Variants in NMNAT2 observed in about 807,000 individuals in gnomAD.
NMNAT2 encodes the protein nicotinamide nucleotide adenylyltransferase 2, also known as nicotinamide/nicotinic acid mononucleotide adenylyltransferase 2.
In NMNAT2, 11 loss-of-function variants were observed where a neutral mutation model predicts 41.6. The observed-to-expected ratio is 0.26, with a 90% CI of 0.17 to 0.44. The LOEUF (loss-of-function observed/expected upper bound fraction) is 0.44. Among genes scored for constraint, NMNAT2 ranks in the 20% least tolerant of loss-of-function variants. The pLI is 1.00. For missense variants in NMNAT2, 288 were observed against 407.7 expected (o/e 0.71, Z 2.53); for synonymous variants, 148 against 151.2 (o/e 0.98, Z 0.16).
intron 1 of NMNAT2, among the ~76,000 whole-genome samples, chr1:183,320,048 G>A (rs918403899): frequency 2.6e-5 from 4 of 152,210 alleles, no homozygotes. Context: ...AGTGAAACCA[G>A]ACAAGGTGAA....
chr1:183,327,830 C>A (rs953389086), intron 1 of NMNAT2, among the ~76,000 whole-genome samples: 5 of 152,000 alleles, frequency 3.3e-5, no homozygotes, highest in Non-Finnish European at 7.4e-5. Flanking sequence ...TGTGTTTTTC[C>A]CCTTTTGCCC....
chr1:183,404,013 A>G (rs1212746008), intron 1 of NMNAT2, among the ~76,000 whole-genome samples: 1 of 152,190 alleles, frequency 6.6e-6, no homozygotes, highest in Non-Finnish European at 1.5e-5. Flanking sequence ...CATCAAAGAT[A>G]TCTGCAGCTA....
intron 1 of NMNAT2, among the ~76,000 whole-genome samples, chr1:183,363,494 G>A (rs1335818637): frequency 6.6e-6 from 1 of 152,078 alleles, no homozygotes; most frequent in African/African-American, 2.4e-5. Context: ...AAAGTGGAGT[G>A]AGTTGAAGTC....
intron 8 of NMNAT2, among the ~76,000 whole-genome samples, chr1:183,269,073 A>AAAAT (rs1306651028): frequency 6.6e-6 from 1 of 152,152 alleles, no homozygotes; most frequent in Non-Finnish European, 1.5e-5. Flanking sequence ...CTGTCTCTGA[A>AAAAT]AAATAAATAA....
chr1:183,396,769 T>C (rs1352175274), intron 1 of NMNAT2, among the ~76,000 whole-genome samples: 1 of 152,202 alleles, frequency 6.6e-6, no homozygotes, highest in East Asian at 1.9e-4. Context: ...CTTTCACTCC[T>C]GCTCTAAAGA....
chr1:183,341,495 T>C (rs548340961), intron 1 of NMNAT2, among the ~76,000 whole-genome samples: 40 of 94,872 alleles, frequency 4.2e-4, no homozygotes, highest in Non-Finnish European at 7.0e-4. Context: ...CTGGGAAACA[T>C]AGCAAAACCC....
intron 1 of NMNAT2, among the ~76,000 whole-genome samples, chr1:183,294,689 C>T (rs1661635492): frequency 6.6e-6 from 1 of 152,176 alleles, no homozygotes; most frequent in Non-Finnish European, 1.5e-5. Flanking sequence ...ACTCGGGAGA[C>T]TGAGGCAGGA....
intron 7 of NMNAT2, chr1:183,283,585 G>A: frequency 9.6e-6 from 3 of 314,128 alleles, no homozygotes; most frequent in South Asian, 8.1e-5. Context: ...GTGTGGAGGT[G>A]GCTTTCAGTC....
At chr1:183,372,433 G>A (rs920532118) in intron 1 of NMNAT2, among the ~76,000 whole-genome samples, 1 of 152,154 alleles carries the variant, frequency 6.6e-6, no homozygotes, top group Non-Finnish European at 1.5e-5. Flanking sequence ...GGGAGTGGAA[G>A]CAAGACACCA....
intron 1 of NMNAT2, among the ~76,000 whole-genome samples, chr1:183,295,653 T>C (rs546496308): frequency 1.1e-4 from 17 of 152,316 alleles, no homozygotes; most frequent in Admixed American, 4.6e-4. Flanking sequence ...AAAAATTCAG[T>C]GTTCCACCCA....
chr1:183,285,320 C>T (rs1287682115), intron 5 of NMNAT2, among the ~76,000 whole-genome samples: 1 of 152,200 alleles, frequency 6.6e-6, no homozygotes, highest in African/African-American at 2.4e-5. Context: ...AGCTGCTCCT[C>T]CCACTGGGCA....
chr1:183,292,482 G>T (rs1661568711), intron 3 of NMNAT2, among the ~76,000 whole-genome samples: 1 of 152,208 alleles, frequency 6.6e-6, no homozygotes, highest in South Asian at 2.1e-4. Context: ...CTGATTTTCT[G>T]GTCATGCTTC....
chr1:183,272,681 G>A (rs573105412), intron 8 of NMNAT2, among the ~76,000 whole-genome samples: 23 of 152,366 alleles, frequency 1.5e-4, no homozygotes, highest in Admixed American at 1.2e-3. Flanking sequence ...AGTAGAGAGT[G>A]TGTGTTGGTG....
At chr1:183,359,214 GT>G (rs1467447309) in intron 1 of NMNAT2, among the ~76,000 whole-genome samples, 1 of 152,088 alleles carries the variant, frequency 6.6e-6, no homozygotes, top group African/African-American at 2.4e-5. Context: ...GCTAGGGCAT[GT>G]CCCAGTCCCT....
At chr1:183,349,111 G>T (rs1160228282) in intron 1 of NMNAT2, among the ~76,000 whole-genome samples, 1 of 152,226 alleles carries the variant, frequency 6.6e-6, no homozygotes, top group Non-Finnish European at 1.5e-5. Context: ...ACTGTCCTAG[G>T]CACTGGTTTC....
At chr1:183,334,816 C>T (rs1384886673) in intron 1 of NMNAT2, among the ~76,000 whole-genome samples, 2 of 152,136 alleles carry the variant, frequency 1.3e-5, no homozygotes, top group African/African-American at 4.8e-5. Flanking sequence ...GGCCCAAGGC[C>T]ACCCATTCTT....
chr1:183,258,557 T>G (rs530533553), intron 10 of NMNAT2, among the ~76,000 whole-genome samples: 2 of 152,314 alleles, frequency 1.3e-5, no homozygotes, highest in Admixed American at 1.3e-4. Flanking sequence ...ACAACAGCCC[T>G]TTCCCAAAGC....
intron 1 of NMNAT2, among the ~76,000 whole-genome samples, chr1:183,349,568 T>G (rs1362865505): frequency 6.6e-6 from 1 of 152,244 alleles, no homozygotes; most frequent in East Asian, 1.9e-4. Context: ...CAGCAAGCCT[T>G]TGGGGCAGGC....
chr1:183,384,235 C>G (rs1471935616), intron 1 of NMNAT2, among the ~76,000 whole-genome samples: 1 of 151,702 alleles, frequency 6.6e-6, no homozygotes. Context: ...AAGTCTCACT[C>G]TGTCACCCAG....
Sources: gnomAD v4.1 joint callset for allele counts (sites outside exome capture counted in the v4.1 genomes callset) on GRCh38, gnomAD v4.1.1 for gene constraint, MANE v1.5 for transcripts, NCBI Gene and HGNC (gene_info 2026-07-23, HGNC 2026-07-21) for gene names.